HBS1L: variants seen among roughly 807,000 people sequenced by gnomAD.
HBS1L encodes the protein HBS1 like translational GTPase.
Under a neutral mutation model 88.9 loss-of-function variants are expected in HBS1L, and 55 were observed. That is an observed-to-expected ratio of 0.62 (90% CI 0.50 to 0.77). The LOEUF is 0.77. Among genes scored for constraint, HBS1L ranks in the 30% least tolerant of loss-of-function variants. HBS1L has a pLI of 0.00. For synonymous variants in HBS1L, 267 were observed against 288.5 expected (o/e 0.93, Z 0.76); for missense variants, 741 against 829.3 (o/e 0.89, Z 1.31).
intron 4 of HBS1L, among the ~76,000 whole-genome samples, chr6:135,034,634 A>G (rs1212653058): frequency 2.6e-5 from 4 of 152,174 alleles, no homozygotes; most frequent in Non-Finnish European, 5.9e-5. Flanking sequence ...ACAGAGTGAG[A>G]CTCTGTCTCA....
At chr6:135,023,145 C>A (rs1180968130) in intron 4 of HBS1L, among the ~76,000 whole-genome samples, 2 of 151,780 alleles carry the variant, frequency 1.3e-5, no homozygotes, top group African/African-American at 2.4e-5. Flanking sequence ...GAACAACCTG[C>A]CATTAAGAAC....
Position 134,987,691 on chromosome 6 carries a change from G to A in HBS1L, c.1184C>T (p.Ser395Phe). ...QTREHGLLVR[S>F]LGVTQLAVAV... ...AACTGCAAGCTGCGTCACTCCCAGA[G>A]AACGGACCAAGAGTCCATGCTCTCG... Residue 395 changes from serine (S) to phenylalanine (F), a missense_variant, in exon 9 of 18, where the codon TCT becomes TTT. Coordinates refer to ENST00000367837, the MANE Select transcript of HBS1L (RefSeq NM_006620.4). 3 of 1,608,194 alleles carry A rather than the reference G, an allele frequency of 1.9e-6. No homozygotes were observed. The highest frequency in any genetic ancestry group is 2.3e-5 in the East Asian group (1 of 44,364).
rs148021768 is a variant in HBS1L at position 134,986,790 on chromosome 6, C to A, written c.1251G>T (p.Arg417Ser). The change falls in exon 10 of 18, where the codon AGG becomes AGT. Residue 417 changes from arginine to serine, a missense_variant. By Grantham distance (110) the Arg-to-Ser change is moderately radical. Transcript: ENST00000367837. ...KMDQVNWQQE[R>S]FQEITGKLGH... ...CAAGTTTTCCAGTAATCTCTTGAAA[C>A]CTTTCTTGTTGCCAATTAACCTGAT... 1.3e-6 allele frequency: 2 copies of A among 1,566,970 alleles called. No individual in the cohort carries two copies. Among genetic ancestry groups the A allele is most frequent in the South Asian group, 1.2e-5 (1 of 83,174 alleles).
chr6:134,980,953 A>G (rs1281918794), intron 13 of HBS1L, among the ~76,000 whole-genome samples: 1 of 151,886 alleles, frequency 6.6e-6, no homozygotes, highest in Non-Finnish European at 1.5e-5. Flanking sequence ...TGTTGAGTTA[A>G]AAGACTGGCT....
At position 134,979,234 on chromosome 6, in the gene HBS1L, C is replaced by T. The variant is rs1382999548; in HGVS notation, c.1632G>A (p.Ala544=). ...ITLHDEPVDW[A]AAGDHVSLTL... ...TAAGACTAACATGATCGCCTGCTGCCGCCCAGTCGACAGGTTCATCATGCA... is the reference window on the plus strand; with the variant it reads ...TAAGACTAACATGATCGCCTGCTGCTGCCCAGTCGACAGGTTCATCATGCA... Residue 544 remains alanine, a synonymous_variant, in exon 14 of 18, where the codon GCG becomes GCA. Coordinates refer to ENST00000367837, the MANE Select transcript of HBS1L (RefSeq NM_006620.4). The T allele has an allele frequency of 5.0e-6, 8 of 1,611,964 alleles. No individual in the cohort carries two copies. The highest frequency in any genetic ancestry group is 2.7e-5 in the African/African-American group (2 of 74,782).
intron 15 of HBS1L, among the ~76,000 whole-genome samples, chr6:134,977,176 A>G (rs1370472656): frequency 6.6e-6 from 1 of 152,008 alleles, no homozygotes; most frequent in Non-Finnish European, 1.5e-5. Context: ...CTGAATCAAT[A>G]TATGCTGGCA....
chr6:135,039,176 A>G (rs1395306778), intron 4 of HBS1L, among the ~76,000 whole-genome samples: 1 of 151,926 alleles, frequency 6.6e-6, no homozygotes, highest in African/African-American at 2.4e-5. Flanking sequence ...AAAAAAAGCC[A>G]GGCATGGTGG....
In HBS1L at chr6:134,964,357, C is replaced by T. The variant is rs1381884859; in HGVS notation, c.*922G>A. Reference sequence around the variant, plus strand: ...TGAAACTTTAAAGAAAAACATGACTCTTACTTACTCACAGGGGACTTATAA... The same window carrying T: ...TGAAACTTTAAAGAAAAACATGACTTTTACTTACTCACAGGGGACTTATAA... On this transcript the variant is annotated 3_prime_UTR_variant, in exon 18 of 18. Coordinates refer to ENST00000367837, the MANE Select transcript of HBS1L (RefSeq NM_006620.4). 1.3e-5 allele frequency: 2 copies of T among 152,060 alleles called. No homozygotes were observed. The highest frequency in any genetic ancestry group is 2.9e-5 in the Non-Finnish European group (2 of 68,018). The allele number at this position is 152,060 out of a possible 1,614,324, so 9.4% of individuals were successfully genotyped here. A position where few individuals can be genotyped will look rare whatever the true frequency, so the allele number is the denominator to read the frequency against.
rs141956921 is a variant in HBS1L, at chr6:134,990,038, T to C, written c.1084-2247A>G. Among the ~76,000 whole-genome samples the C allele has an allele frequency of 3.5e-3, 536 of 152,280 alleles. 5 individuals carry two copies. The highest frequency in any genetic ancestry group is 0.012 in the African/African-American group (490 of 41,550). On this transcript the variant is annotated intron_variant, in intron 8 of 17. Transcript: ENST00000367837. Reference sequence around the variant, plus strand: ...AACTTCCAAGTCCTAGGCTCAGTAATTGAAAATCTTTTTCTCATTAGGTTT... The same window carrying C: ...AACTTCCAAGTCCTAGGCTCAGTAACTGAAAATCTTTTTCTCATTAGGTTT...
At chr6:135,029,132 C>G (rs894277592) in intron 4 of HBS1L, among the ~76,000 whole-genome samples, 2 of 151,902 alleles carry the variant, frequency 1.3e-5, no homozygotes, top group Non-Finnish European at 2.9e-5. Flanking sequence ...AATAATGAAT[C>G]TGACACAGAT....
At chr6:134,969,756 G>A (rs1408976416) in intron 15 of HBS1L, among the ~76,000 whole-genome samples, 1 of 152,010 alleles carries the variant, frequency 6.6e-6, no homozygotes, top group East Asian at 1.9e-4. Flanking sequence ...TTTCTCTTCT[G>A]TCTGTACCTC....
rs909396775 is a variant in HBS1L at position 134,965,062 on chromosome 6, T to C, written c.*217A>G. 7 of 564,496 alleles carry C rather than the reference T, an allele frequency of 1.2e-5. No individual in the cohort carries two copies. The highest frequency in any genetic ancestry group is 6.2e-5 in the East Asian group (2 of 32,444). The allele number at this position is 564,496 out of a possible 1,614,324, so 35.0% of individuals were successfully genotyped here. On this transcript the variant is annotated 3_prime_UTR_variant, in exon 18 of 18. Transcript: ENST00000367837. ...ATTTATTAACGTTTCAAAGGCAAAG[T>C]TGTTTTTAACATTAGACTTTCTTTG...
intron 3 of HBS1L, among the ~76,000 whole-genome samples, chr6:135,041,143 T>TC (rs1213298501): frequency 9.2e-6 from 1 of 108,962 alleles, no homozygotes; most frequent in Non-Finnish European, 2.0e-5. Flanking sequence ...CAATACCCTT[T>TC]CTTTAAAAAA....
At chr6:135,052,141 G>C (rs1777105467) in intron 1 of HBS1L, among the ~76,000 whole-genome samples, 1 of 152,262 alleles carries the variant, frequency 6.6e-6, no homozygotes, top group Non-Finnish European at 1.5e-5. Context: ...ATGCTCAAAG[G>C]CTGAGACCAA....
chr6:134,999,868 C>T (rs549764800), intron 5 of HBS1L, among the ~76,000 whole-genome samples: 216 of 152,032 alleles, frequency 1.4e-3, no homozygotes, highest in Non-Finnish European at 2.2e-3. Flanking sequence ...GTAAAAAAAA[C>T]TTCTGCATAT....
chr6:134,988,101 C>T (rs532482155), intron 8 of HBS1L, among the ~76,000 whole-genome samples: 17 of 152,220 alleles, frequency 1.1e-4, no homozygotes, highest in African/African-American at 2.2e-4. Flanking sequence ...CAGTGGCTCA[C>T]GCCTATAATC....
chr6:134,993,402 A>C (rs572878289), intron 8 of HBS1L, among the ~76,000 whole-genome samples: 3 of 152,334 alleles, frequency 2.0e-5, no homozygotes, highest in Admixed American at 2.0e-4. Context: ...AAAAAGATAT[A>C]GAACTTGAAT....
intron 4 of HBS1L, among the ~76,000 whole-genome samples, chr6:135,006,605 C>A (rs1355540039): frequency 6.6e-6 from 1 of 151,978 alleles, no homozygotes; most frequent in Non-Finnish European, 1.5e-5. Context: ...AAGGACAGAG[C>A]CTCAGGTTTA....
At chr6:135,005,389 C>T (rs1031853099) in intron 4 of HBS1L, among the ~76,000 whole-genome samples, 2 of 152,202 alleles carry the variant, frequency 1.3e-5, no homozygotes, top group Admixed American at 1.3e-4. Flanking sequence ...CCACACACTT[C>T]AGGGCAGAAA....
Sources: gnomAD v4.1 joint callset for allele counts (sites outside exome capture counted in the v4.1 genomes callset) on GRCh38, gnomAD v4.1.1 for gene constraint, MANE v1.5 for transcripts, NCBI Gene and HGNC (gene_info 2026-07-23, HGNC 2026-07-21) for gene names.